Variants in BTG3 observed in about 807,000 individuals in gnomAD.
The protein encoded by BTG3 is protein BTG3.
Under a neutral mutation model 25.8 loss-of-function variants are expected in BTG3, and 4 were observed. The ratio of observed to expected loss-of-function variants is 0.16; its 90% CI spans 0.08 to 0.36. The LOEUF (loss-of-function observed/expected upper bound fraction) is 0.36, where lower values mean the gene tolerates loss of function less well. Among genes scored for constraint, BTG3 ranks in the 10% least tolerant of loss-of-function variants. The pLI is 1.00. For missense variants in BTG3, 201 were observed against 304.9 expected (o/e 0.66, Z 2.54); for synonymous variants, 107 against 99.9 (o/e 1.07, Z -0.42).
rs1305190147 is a variant in BTG3 at position 17,604,913 on chromosome 21, C to T, written c.258G>A (p.Leu86=). 13 of 1,614,044 alleles carry T rather than the reference C, an allele frequency of 8.1e-6. No homozygotes were observed. In the Admixed American group the frequency reaches 8.3e-5, roughly 10 times the overall value. ...AGAGAGTGAGCTCCTTTGGCAAGCC[C>T]AGGTCACTATACAAGATGCAGCTGT... ...CENSCILYSD[L]GLPKELTLWV... is the part of the protein sequence containing the mutation. Residue 86 remains leucine, a synonymous_variant, in exon 3 of 5, where the codon CTG becomes CTA. Transcript: ENST00000348354.
chr21:17,593,990 C>T lies in BTG3; in HGVS notation c.*103G>A. Reference sequence around the variant, plus strand: ...TAAAAATAAGTTTGATGGTTTGGCCCATCTAACTTCACTACTATTAGTAAG... The same window carrying T: ...TAAAAATAAGTTTGATGGTTTGGCCTATCTAACTTCACTACTATTAGTAAG... On this transcript the variant is annotated 3_prime_UTR_variant, in exon 5 of 5. Coordinates refer to ENST00000348354, the MANE Select transcript of BTG3 (RefSeq NM_006806.5). 7.4e-7 allele frequency: 1 copy of T among 1,347,412 alleles called. No homozygotes were observed. The highest frequency in any genetic ancestry group is 1.0e-6 in the Non-Finnish European group (1 of 1,003,992). 83.5% of individuals were successfully genotyped at this position (1,347,412 alleles called of 1,614,324 possible).
At chr21:17,594,365 A>G (rs548853527) in intron 4 of BTG3, 33 bp from the exon 5 acceptor site, 1 of 1,586,424 alleles carries the variant, frequency 6.3e-7, no homozygotes, top group African/African-American at 1.4e-5. Context: ...AGTTAATTCA[A>G]AGGAAAAAAT....
intron 2 of BTG3, chr21:17,605,203 G>T: frequency 3.9e-6 from 2 of 508,934 alleles, no homozygotes; most frequent in Admixed American, 3.6e-5. Context: ...GCACCTATGT[G>T]AGCCCAAGGA....
intron 1 of BTG3, among the ~76,000 whole-genome samples, chr21:17,609,804 GTA>G (rs1440290114): frequency 6.6e-6 from 1 of 152,040 alleles, no homozygotes; most frequent in Non-Finnish European, 1.5e-5. Flanking sequence ...TTATACACAC[GTA>G]TGGAATATTA....
intron 4 of BTG3, among the ~76,000 whole-genome samples, chr21:17,596,204 T>G (rs1481433115): frequency 6.6e-6 from 1 of 152,032 alleles, no homozygotes; most frequent in Non-Finnish European, 1.5e-5. Context: ...TTTACAGATA[T>G]ATGTAATGAG....
intron 3 of BTG3, among the ~76,000 whole-genome samples, chr21:17,600,205 T>C (rs927775639): frequency 2.0e-5 from 3 of 152,268 alleles, no homozygotes; most frequent in Middle Eastern, 3.4e-3. Flanking sequence ...AGAGTTTTTA[T>C]TCAGTGGACA....
chr21:17,605,473 A>G (rs1457203411), intron 2 of BTG3, among the ~76,000 whole-genome samples: 1 of 152,218 alleles, frequency 6.6e-6, no homozygotes, highest in African/African-American at 2.4e-5. Flanking sequence ...GTAAGAGGAC[A>G]CCCTTGCTTT....
intron 3 of BTG3, among the ~76,000 whole-genome samples, chr21:17,601,241 G>C (rs1438911202): frequency 6.7e-6 from 1 of 150,226 alleles, no homozygotes; most frequent in Non-Finnish European, 1.5e-5. Flanking sequence ...CCACTGACTA[G>C]CTTGGTCACC....
intron 4 of BTG3, among the ~76,000 whole-genome samples, chr21:17,596,963 C>CT (rs996881162): frequency 6.6e-6 from 1 of 151,946 alleles, no homozygotes; most frequent in Non-Finnish European, 1.5e-5. Context: ...TTTGATAAAA[C>CT]TTTTTTAAAG....
intron 3 of BTG3, among the ~76,000 whole-genome samples, chr21:17,600,675 G>T (rs768043179): frequency 6.6e-6 from 1 of 151,166 alleles, no homozygotes; most frequent in Non-Finnish European, 1.5e-5. Context: ...AAAAAAACAA[G>T]AACAAAAAAT....
intron 4 of BTG3, among the ~76,000 whole-genome samples, chr21:17,595,884 T>C (rs2061498105): frequency 6.6e-6 from 1 of 152,004 alleles, no homozygotes. Flanking sequence ...AGTGGTACTA[T>C]TTTACATGAC....
At chr21:17,605,056 A>G (rs1017954925) in intron 2 of BTG3, 59 bp from the exon 3 acceptor site, 21 of 1,561,300 alleles carry the variant, frequency 1.3e-5, no homozygotes, top group South Asian at 7.0e-5. Context: ...AAACGCCGTA[A>G]TATCTATTCA....
chr21:17,610,078 G>C (rs1325467050), intron 1 of BTG3, among the ~76,000 whole-genome samples: 1 of 152,166 alleles, frequency 6.6e-6, no homozygotes, highest in Non-Finnish European at 1.5e-5. Flanking sequence ...AGTCACAAAT[G>C]ACCACATATT....
Position 17,609,003 on chromosome 21 carries a change from G to A in BTG3, c.142C>T (p.Pro48Ser). 6.2e-7 allele frequency: 1 copy of A among 1,613,396 alleles called. No homozygotes were observed. The highest frequency in any genetic ancestry group is 8.5e-7 in the Non-Finnish European group (1 of 1,179,852). Reference sequence around the variant, plus strand: ...GCCTGTCCTTTCGATGGTTTTTCTGGATACCAGTGATTTTTATATTTTTCT... The same window carrying A: ...GCCTGTCCTTTCGATGGTTTTTCTGAATACCAGTGATTTTTATATTTTTCT... ...LQEKYKNHWY[P>S]EKPSKGQAYR... Residue 48 changes from proline to serine, a missense_variant, in exon 2 of 5, where the codon CCA (proline) becomes TCA (serine). Physicochemically the swap from Pro to Ser is moderately conservative, Grantham distance 74. Around this residue, in one of 2 missense-constraint regions of BTG3, gnomAD observed 70 missense variants for 175.7 expected, o/e 0.40. Coordinates refer to ENST00000348354, the MANE Select transcript of BTG3 (RefSeq NM_006806.5).
chr21:17,612,474 C>A (rs1279867879), intron 1 of BTG3: 2 of 152,220 alleles, frequency 1.3e-5, no homozygotes, highest in Admixed American at 6.5e-5. Context: ...CAGGCGCCCG[C>A]CGAGGGTCCC....
intron 4 of BTG3, among the ~76,000 whole-genome samples, chr21:17,597,122 C>T (rs531832994): frequency 1.3e-5 from 2 of 151,908 alleles, no homozygotes; most frequent in Non-Finnish European, 2.9e-5. Context: ...TTAAAAAGCA[C>T]GTAAGAGACA....
At chr21:17,596,160 G>C (rs1016433460) in intron 4 of BTG3, among the ~76,000 whole-genome samples, 2 of 151,632 alleles carry the variant, frequency 1.3e-5, no homozygotes, top group African/African-American at 4.8e-5. Flanking sequence ...ATTTGTGAGC[G>C]ATTTTAAAAA....
chr21:17,606,936 C>T (rs1020710283), intron 2 of BTG3, among the ~76,000 whole-genome samples: 1 of 152,108 alleles, frequency 6.6e-6, no homozygotes, highest in African/African-American at 2.4e-5. Flanking sequence ...GATAATATTG[C>T]CAAATTGCTC....
At chr21:17,606,810 CAA>C (rs1461021846) in intron 2 of BTG3, among the ~76,000 whole-genome samples, 3 of 152,100 alleles carry the variant, frequency 2.0e-5, no homozygotes, top group African/African-American at 7.2e-5. Flanking sequence ...TTTGCAATTA[CAA>C]AGTGTAAGAG....
Sources: allele counts gnomAD v4.1 joint callset (sites outside exome capture counted in the v4.1 genomes callset), GRCh38; gene constraint gnomAD v4.1.1; regional missense constraint gnomAD v4.1.1; transcripts MANE v1.5; gene names NCBI Gene and HGNC (gene_info 2026-07-23, HGNC 2026-07-21).